The following POU2F1 variants were observed in gnomAD, a reference collection of about 807,000 sequenced individuals.
POU2F1 encodes POU domain, class 2, transcription factor 1.
A neutral mutation model predicts 84.9 loss-of-function variants in POU2F1; 16 were observed. That is an observed-to-expected ratio of 0.19 (90% CI 0.13 to 0.29). POU2F1 has a LOEUF of 0.29. Among genes scored for constraint, POU2F1 ranks in the 10% least tolerant of loss-of-function variants. The pLI is 1.00. For synonymous variants in POU2F1, 368 were observed against 368.3 expected, an observed-to-expected ratio of 1.00 and a Z score of 0.01; for missense variants, 738 against 942.6, an observed-to-expected ratio of 0.78 and a Z score of 2.84.
chr1:167,372,318 T>C (rs1314923004), intron 5 of POU2F1, among the ~76,000 whole-genome samples: 2 of 152,240 alleles, frequency 1.3e-5, no homozygotes, highest in African/African-American at 4.8e-5. Flanking sequence ...CATCATGCAA[T>C]GGAGTAATTA....
chr1:167,346,706 G>GC (rs1658227466), intron 2 of POU2F1, among the ~76,000 whole-genome samples: 1 of 152,120 alleles, frequency 6.6e-6, no homozygotes, highest in Non-Finnish European at 1.5e-5. Context: ...ACGCTATCTT[G>GC]CCCACCACTC....
intron 1 of POU2F1, among the ~76,000 whole-genome samples, chr1:167,295,685 GC>G (rs1654245812): frequency 6.6e-6 from 1 of 152,184 alleles, no homozygotes; most frequent in Non-Finnish European, 1.5e-5. Flanking sequence ...TTTTTGTGGA[GC>G]CATGAACATG....
intron 1 of POU2F1, among the ~76,000 whole-genome samples, chr1:167,289,519 G>A (rs1653764663): frequency 6.6e-6 from 1 of 152,248 alleles, no homozygotes; most frequent in Non-Finnish European, 1.5e-5. Flanking sequence ...AGCATCTTCA[G>A]TGGAAGGAAC....
At chr1:167,402,841 A>G (rs1262123475) in intron 13 of POU2F1, among the ~76,000 whole-genome samples, 1 of 152,248 alleles carries the variant, frequency 6.6e-6, no homozygotes, top group Non-Finnish European at 1.5e-5. Context: ...CTTGTTGTCC[A>G]AATTGACTGC....
chr1:167,247,925 G>A (rs1650455184), intron 1 of POU2F1, among the ~76,000 whole-genome samples: 1 of 152,094 alleles, frequency 6.6e-6, no homozygotes, highest in Admixed American at 6.5e-5. Context: ...AAACAACAAT[G>A]GACACTAGTC....
At position 167,396,291 on chromosome 1, in the gene POU2F1, T is replaced by A; in HGVS notation, c.993T>A (p.Asp331Glu). 1 of 1,614,090 alleles carries A rather than the reference T, an allele frequency of 6.2e-7. No homozygotes were observed. Among genetic ancestry groups the A allele is most frequent in the Non-Finnish European group, 8.5e-7 (1 of 1,179,952 alleles). The change falls in exon 10 of 16, where the codon GAT becomes GAA. Residue 331 changes from aspartate (D) to glutamate (E), a missense_variant. By Grantham distance (45) the Asp-to-Glu change is conservative. Around this residue, in one of 4 missense-constraint regions of POU2F1, gnomAD observed 95 missense variants for 195.1 expected, o/e 0.49. Transcript: ENST00000367866. ...CTGCTCTGTATTGTGTGTAGGGTGA[T>A]GTTGGGCTCGCTATGGGGAAACTAT... Reference protein sequence around the residue: ...RRIKLGFTQGDVGLAMGKLYG... With the variant: ...RRIKLGFTQGEVGLAMGKLYG...
rs759371736 is a variant in POU2F1, at chr1:167,412,063, T to C, written c.1660T>C (p.Ser554Pro). Residue 554 changes from serine (S) to proline (P), a missense_variant, in exon 14 of 16, where the codon TCA becomes CCA. By Grantham distance (74) the Ser-to-Pro change is moderately conservative. Transcript: ENST00000367866. ...SPSLSPSPSA[S>P]ASTSEASSAS... The stretch of plus-strand genomic sequence containing the variant: ...CTCTCTGAGTCCCTCCCCTTCTGCC[T>C]CAGCCTCCACCTCCGAGGCATCCAG... 3.7e-6 allele frequency: 6 copies of C among 1,614,158 alleles called. No individual in the cohort carries two copies. In the South Asian group the frequency reaches 6.6e-5, roughly 18 times the overall value.
intron 9 of POU2F1, among the ~76,000 whole-genome samples, chr1:167,394,139 C>T (rs1401292444): frequency 1.3e-5 from 2 of 151,960 alleles, no homozygotes; most frequent in Non-Finnish European, 2.9e-5. Context: ...CGTGCCTCAG[C>T]CTTCTGAGTA....
intron 2 of POU2F1, among the ~76,000 whole-genome samples, chr1:167,333,713 A>G (rs1657229061): frequency 6.6e-6 from 1 of 152,212 alleles, no homozygotes; most frequent in Non-Finnish European, 1.5e-5. Flanking sequence ...GAGGCTAGCC[A>G]AGTAGACTTC....
At chr1:167,253,945 AC>A in intron 1 of POU2F1, among the ~76,000 whole-genome samples, 1 of 152,234 alleles carries the variant, frequency 6.6e-6, no homozygotes, top group East Asian at 1.9e-4. Flanking sequence ...CTTCAGGAAT[AC>A]CCAGACTTTA....
intron 3 of POU2F1, among the ~76,000 whole-genome samples, chr1:167,367,305 C>T (rs1418079255): frequency 6.6e-6 from 1 of 152,084 alleles, no homozygotes; most frequent in Non-Finnish European, 1.5e-5. Context: ...GTCTGTTGCC[C>T]CATTAACTAT....
chr1:167,414,450 T>G, intron 15 of POU2F1: 3 of 985,450 alleles, frequency 3.0e-6, no homozygotes, highest in Non-Finnish European at 3.6e-6. Context: ...AGGCATTCCC[T>G]TCAGCTATAT....
chr1:167,412,845 A>G (rs1650056864), intron 14 of POU2F1, among the ~76,000 whole-genome samples, 181 bp from the exon 15 acceptor site: 1 of 152,214 alleles, frequency 6.6e-6, no homozygotes, highest in Non-Finnish European at 1.5e-5. Context: ...CCTCGTTTGT[A>G]TGAGTAAGCA....
intron 1 of POU2F1, among the ~76,000 whole-genome samples, chr1:167,298,700 A>G (rs1352711869): frequency 6.6e-6 from 1 of 152,106 alleles, no homozygotes; most frequent in Non-Finnish European, 1.5e-5. Context: ...TTAGCAATTT[A>G]TTTTTAATTA....
chr1:167,350,673 CA>C (rs56240224), intron 2 of POU2F1, among the ~76,000 whole-genome samples: 1,374 of 58,690 alleles, frequency 0.023, 19 homozygotes, highest in African/African-American at 0.065. Context: ...GACTCCATCT[CA>C]AAAAAAAAAA....
intron 15 of POU2F1, among the ~76,000 whole-genome samples, chr1:167,413,749 G>T (rs1348404374): frequency 6.6e-6 from 1 of 152,062 alleles, no homozygotes; most frequent in African/African-American, 2.4e-5. Flanking sequence ...ATACTGAAGG[G>T]TTCCACTTGT....
intron 1 of POU2F1, among the ~76,000 whole-genome samples, chr1:167,328,668 T>G (rs1656871468): frequency 6.6e-6 from 1 of 152,172 alleles, no homozygotes; most frequent in African/African-American, 2.4e-5. Context: ...TCCAGTTAGG[T>G]CCAAGAAGCC....
chr1:167,272,300 C>CTTT (rs35886551), intron 1 of POU2F1, among the ~76,000 whole-genome samples: 126 of 122,586 alleles, frequency 1.0e-3, no homozygotes, highest in Middle Eastern at 9.5e-3. Context: ...TAAATATTAC[C>CTTT]TTTTTTTTTT....
At chr1:167,348,219 A>G (rs920106100) in intron 2 of POU2F1, among the ~76,000 whole-genome samples, 5 of 152,230 alleles carry the variant, frequency 3.3e-5, no homozygotes, top group South Asian at 2.1e-4. Context: ...TGAATACTGT[A>G]TGCAATTGTA....
Sources: allele counts gnomAD v4.1 joint callset (sites outside exome capture counted in the v4.1 genomes callset), GRCh38; gene constraint gnomAD v4.1.1; regional missense constraint gnomAD v4.1.1; transcripts MANE v1.5; gene names NCBI Gene and HGNC (gene_info 2026-07-23, HGNC 2026-07-21).